Variants in CA10 observed in about 807,000 individuals in gnomAD.
CA10 encodes the protein carbonic anhydrase-related protein 10.
Under a neutral mutation model 44.2 loss-of-function variants are expected in CA10, and 14 were observed. That is an observed-to-expected ratio of 0.32 (90% confidence interval 0.21 to 0.50). The LOEUF is 0.50. CA10 is among the 20% of genes least tolerant of loss of function. The pLI is 0.99. For missense variants in CA10, 350 were observed against 409.7 expected (o/e 0.85, Z 1.26); for synonymous variants, 159 against 141.6 (o/e 1.12, Z -0.87).
chr17:51,900,801 G>A lies in CA10; in HGVS notation c.279+30189C>T, dbSNP rs148457870. 4.1e-3 allele frequency among the ~76,000 whole-genome samples: 625 copies of A among 152,210 alleles called. 1 individual carries two copies. Among genetic ancestry groups the A allele is most frequent in the African/African-American group, 0.014 (588 of 41,550 alleles). On this transcript the variant is annotated intron_variant, in intron 3 of 8. Transcript: ENST00000451037. The stretch of plus-strand genomic sequence containing the variant: ...TTCTTTCCTCAGCTTGGTCAATTCT[G>A]CTGTTAATACTTGCAATTGTATTAT...
rs563031827 is a variant in CA10 at position 51,725,446 on chromosome 17, C to T, written c.465+22187G>A. The stretch of plus-strand genomic sequence containing the variant: ...TTTTCAGGGAGGGAAGTGTGTACCA[C>T]TAGTGGCCCAGCATATCAACAAGGC... On this transcript the variant is annotated intron_variant, in intron 4 of 8. Coordinates refer to ENST00000451037, the MANE Select transcript of CA10 (RefSeq NM_020178.5). Among the ~76,000 whole-genome samples, 5 of 152,306 alleles carry T rather than the reference C, an allele frequency of 3.3e-5. No homozygotes were observed. The South Asian group carries it at 1.0e-3, about 32-fold the overall frequency.
At chr17:51,956,705 G>A (rs984651373) in intron 2 of CA10, among the ~76,000 whole-genome samples, 6 of 152,096 alleles carry the variant, frequency 3.9e-5, no homozygotes, top group Non-Finnish European at 7.4e-5. Context: ...AAGAAATTAT[G>A]GGGAAATCAA....
chr17:51,990,203 T>G (rs1984991071), intron 2 of CA10, among the ~76,000 whole-genome samples: 1 of 152,148 alleles, frequency 6.6e-6, no homozygotes, highest in Non-Finnish European at 1.5e-5. Flanking sequence ...TGGCTTCATT[T>G]GTGTTTTCCT....
chr17:52,120,684 C>G (rs141741311), intron 1 of CA10, among the ~76,000 whole-genome samples: 2 of 152,274 alleles, frequency 1.3e-5, no homozygotes, highest in Non-Finnish European at 2.9e-5. Flanking sequence ...CCACAAGGGA[C>G]TGGTGGCCCA....
chr17:52,116,074 C>G (rs1178333704), intron 1 of CA10, among the ~76,000 whole-genome samples: 2 of 143,324 alleles, frequency 1.4e-5, no homozygotes, highest in South Asian at 2.3e-4. Flanking sequence ...CCTGGCAACT[C>G]AGCGAGACTC....
chr17:51,766,769 C>G (rs145074850), intron 3 of CA10, among the ~76,000 whole-genome samples: 4 of 152,270 alleles, frequency 2.6e-5, no homozygotes, highest in Admixed American at 1.3e-4. Context: ...TTGCTGTTAA[C>G]TCAAGTAACT....
chr17:51,737,627 A>G (rs1028130997), intron 4 of CA10, among the ~76,000 whole-genome samples: 2 of 152,160 alleles, frequency 1.3e-5, no homozygotes, highest in East Asian at 1.9e-4. Flanking sequence ...CTTTTCCAAG[A>G]TCACACAGCC....
intron 3 of CA10, among the ~76,000 whole-genome samples, chr17:51,778,693 C>T (rs1263006623): frequency 6.6e-6 from 1 of 152,088 alleles, no homozygotes; most frequent in Admixed American, 6.5e-5. Flanking sequence ...TTTTCCCAGG[C>T]CTTGTGCGAG....
chr17:51,701,579 T>C lies in CA10; in HGVS notation c.465+46054A>G, dbSNP rs1350574696. On this transcript the variant is annotated intron_variant, in intron 4 of 8. Transcript: ENST00000451037. ...TATATGAGCTGGTAGGATCCCATGA[T>C]ACTCACAAATGTCAGCTTCCTTCCC... Among the ~76,000 whole-genome samples the C allele has an allele frequency of 2.0e-5, 3 of 152,310 alleles. No individual in the cohort carries two copies. In the East Asian group the frequency reaches 5.8e-4, roughly 29 times the overall value.
chr17:52,082,196 T>C (rs1372700761), intron 1 of CA10, among the ~76,000 whole-genome samples: 2 of 152,286 alleles, frequency 1.3e-5, no homozygotes, highest in East Asian at 3.9e-4. Context: ...GAACCTCCAT[T>C]TATAAATGTT....
rs534731954 is a variant in CA10, at chr17:51,659,975, G to A, written c.466-6239C>T. 1.2e-3 allele frequency among the ~76,000 whole-genome samples: 189 copies of A among 152,330 alleles called. 1 individual carries two copies. The highest frequency in any genetic ancestry group is 1.4e-3 in the Non-Finnish European group (94 of 68,028). On this transcript the variant is annotated intron_variant, in intron 4 of 8. Transcript: ENST00000451037. Reference sequence around the variant, plus strand: ...TCAGAGGAGATGTTGGCAAGCATTTGCTGAATGAATACCAATTCTGCATCT... The same window carrying A: ...TCAGAGGAGATGTTGGCAAGCATTTACTGAATGAATACCAATTCTGCATCT...
intron 3 of CA10, among the ~76,000 whole-genome samples, chr17:51,916,061 AG>A (rs1447620451): frequency 6.6e-6 from 1 of 152,122 alleles, no homozygotes; most frequent in African/African-American, 2.4e-5. Flanking sequence ...GAAGCCTAAA[AG>A]CTCCCCTCTA....
intron 4 of CA10, among the ~76,000 whole-genome samples, chr17:51,727,956 G>C (rs953071802): frequency 4.6e-4 from 70 of 152,124 alleles, no homozygotes; most frequent in African/African-American, 1.7e-3. Context: ...CATGATCATA[G>C]TTCACTGCAG....
chr17:51,868,180 CATT>C (rs1163229609), intron 3 of CA10, among the ~76,000 whole-genome samples: 1 of 151,914 alleles, frequency 6.6e-6, no homozygotes, highest in Non-Finnish European at 1.5e-5. Context: ...TTTAAGTAAA[CATT>C]AATCCCCACA....
intron 3 of CA10, among the ~76,000 whole-genome samples, chr17:51,921,700 T>C (rs1982241266): frequency 6.6e-6 from 1 of 152,196 alleles, no homozygotes; most frequent in African/African-American, 2.4e-5. Flanking sequence ...CCTCAGGTAC[T>C]GTGTAATTAG....
chr17:52,012,826 TA>T (rs5820898), intron 2 of CA10, among the ~76,000 whole-genome samples: 72,606 of 149,828 alleles, frequency 0.48, 18,176 homozygotes, highest in East Asian at 0.79. Context: ...GTGTTAATTA[TA>T]AAAAAAAAAA....
chr17:51,745,651 A>G (rs75348974), intron 4 of CA10, among the ~76,000 whole-genome samples: 4,168 of 152,300 alleles, frequency 0.027, 152 homozygotes, highest in African/African-American at 0.08. Context: ...TGGTTCACGT[A>G]TAAGTTACAA....
At chr17:51,773,272 A>G (rs145391575) in intron 3 of CA10, among the ~76,000 whole-genome samples, 159 of 152,292 alleles carry the variant, frequency 1.0e-3, no homozygotes, top group African/African-American at 3.6e-3. Context: ...TAGAGGACTG[A>G]CTCAAGTATG....
chr17:52,009,483 G>C (rs1488035611), intron 2 of CA10, among the ~76,000 whole-genome samples: 3 of 151,932 alleles, frequency 2.0e-5, no homozygotes, highest in African/African-American at 7.2e-5. Context: ...GTGTCACCTG[G>C]AGAGCAGATG....
Sources: gnomAD v4.1 joint callset for allele counts (sites outside exome capture counted in the v4.1 genomes callset) on GRCh38, gnomAD v4.1.1 for gene constraint, MANE v1.5 for transcripts, NCBI Gene and HGNC (gene_info 2026-07-23, HGNC 2026-07-21) for gene names.